ABCC6: variants seen among roughly 807,000 people sequenced by gnomAD.
The protein encoded by ABCC6 is ATP binding cassette subfamily C member 6.
A neutral mutation model predicts 169.5 loss-of-function variants in ABCC6; 126 were observed. The observed-to-expected ratio is 0.74, with a 90% confidence interval of 0.64 to 0.86. ABCC6 has a LOEUF of 0.86. ABCC6 is among the 40% of genes least tolerant of loss of function. The probability of loss-of-function intolerance (pLI) is 0.00; values close to 1 mark genes in which losing one functional copy is unlikely to be tolerated. For synonymous variants in ABCC6, 752 were observed against 814.7 expected, an observed-to-expected ratio of 0.92 and a Z score of 1.31; for missense variants, 1,733 against 1,927.2, an observed-to-expected ratio of 0.90 and a Z score of 1.89.
intron 15 of ABCC6, among the ~76,000 whole-genome samples, chr16:16,184,557 A>G (rs1382514821): frequency 6.6e-6 from 1 of 152,150 alleles, no homozygotes; most frequent in Non-Finnish European, 1.5e-5. Context: ...AGACCAAGCG[A>G]TAGAGTTGGA....
At chr16:16,213,765 TGGC>T (rs1767922073) in intron 5 of ABCC6, among the ~76,000 whole-genome samples, 1 of 146,636 alleles carries the variant, frequency 6.8e-6, no homozygotes, top group Non-Finnish European at 1.5e-5. Flanking sequence ...TTTACCATGT[TGGC>T]CAGGCTGGCT....
chr16:16,222,876 C>T (rs1481179127), intron 1 of ABCC6, among the ~76,000 whole-genome samples: 3 of 152,200 alleles, frequency 2.0e-5, no homozygotes, highest in Non-Finnish European at 4.4e-5. Flanking sequence ...AAACGAGACT[C>T]TACCTCTATG....
rs63750446 is a variant in ABCC6, at chr16:16,155,019, C to T, written c.3895G>A (p.Gly1299Ser). Residue 1299 changes from glycine (G) to serine (S), a missense_variant, in exon 28 of 31, where the codon GGC becomes AGC. By Grantham distance (56) the Gly-to-Ser change is moderately conservative (BLOSUM62 0). Around this residue, in one of 5 missense-constraint regions of ABCC6, gnomAD observed 1,601 missense variants for 1,635.5 expected, o/e 0.98. Coordinates refer to ENST00000205557, the MANE Select transcript of ABCC6 (RefSeq NM_001171.6). Reference sequence around the variant, plus strand: ...GAGGACTTCCCTGCCCCGGTCCTGCCAACGATGCCCACCTGCCCGGGGTTG... The same window carrying T: ...GAGGACTTCCCTGCCCCGGTCCTGCTAACGATGCCCACCTGCCCGGGGTTG... ...IHAGEKVGIV[G>S]RTGAGKSSLA... is the part of the protein sequence containing the mutation. 9.6e-6 allele frequency: 15 copies of T among 1,557,294 alleles called. No homozygotes were observed. Among genetic ancestry groups the T allele is most frequent in the Non-Finnish European group, 1.3e-5 (15 of 1,151,246 alleles).
chr16:16,189,457 G>A (rs558019899), intron 12 of ABCC6, among the ~76,000 whole-genome samples: 17 of 148,530 alleles, frequency 1.1e-4, no homozygotes, highest in East Asian at 3.9e-4. Flanking sequence ...TTGCTCTGTC[G>A]CCCAGGCTGG....
At chr16:16,196,546 C>A (rs1045757835) in intron 10 of ABCC6, among the ~76,000 whole-genome samples, 2 of 152,188 alleles carry the variant, frequency 1.3e-5, no homozygotes, top group African/African-American at 4.8e-5. Flanking sequence ...CCCTCTGGGG[C>A]AGGAGTGCTA....
rs564130818 is a variant in ABCC6, at chr16:16,194,566, G to A, written c.1339-1644C>T. Among the ~76,000 whole-genome samples, 11 of 152,222 alleles carry A rather than the reference G, an allele frequency of 7.2e-5. No individual in the cohort carries two copies. In the South Asian group the frequency reaches 2.3e-3, roughly 32 times the overall value. On this transcript the variant is annotated intron_variant, in intron 10 of 30. Transcript: ENST00000205557. ...GAATAAATGATTTTTAAGTTGCTGT[G>A]ACTTTCTGAGATTTCTGCACAGGTT...
At chr16:16,157,319 C>T (rs1354733429) in intron 27 of ABCC6, among the ~76,000 whole-genome samples, 2 of 152,166 alleles carry the variant, frequency 1.3e-5, no homozygotes, top group Non-Finnish European at 2.9e-5. Context: ...TTCCCAATGT[C>T]TCCCAGCTGA....
intron 9 of ABCC6, among the ~76,000 whole-genome samples, chr16:16,199,994 G>A (rs2048184224): frequency 6.6e-6 from 1 of 151,888 alleles, no homozygotes; most frequent in South Asian, 2.1e-4. Context: ...CTTGAACCCA[G>A]GAGGCAGAGG....
chr16:16,180,561 C>T (rs373073328), intron 17 of ABCC6, among the ~76,000 whole-genome samples: 15 of 152,226 alleles, frequency 9.9e-5, no homozygotes, highest in Non-Finnish European at 1.3e-4. Flanking sequence ...GGCTTGATCT[C>T]GGCTCACTGC....
At position 16,188,872 on chromosome 16, in the gene ABCC6, CCTTG is replaced by C; in HGVS notation, c.1734_1737del (p.Asn578LysfsTer37). 6.2e-7 allele frequency: 1 copy of C among 1,614,178 alleles called. No individual in the cohort carries two copies. Among genetic ancestry groups the C allele is most frequent in the Non-Finnish European group, 8.5e-7 (1 of 1,180,046 alleles). On this transcript the variant is annotated frameshift_variant, in exon 13 of 31. Transcript: ENST00000205557. LOFTEE classifies it high-confidence loss of function. ...ATGGAGAAGGGCAGGAAAGCCTGGG[CCTTG>C]TTGAGGATGTTGAGAACTGTGAGAG...
At chr16:16,172,097 G>GGATAAATGAATGGGTGGGAT (rs2047111275) in intron 21 of ABCC6, among the ~76,000 whole-genome samples, 2 of 145,800 alleles carry the variant, frequency 1.4e-5, no homozygotes, top group Non-Finnish European at 3.0e-5. Context: ...TGGGTGGGAT[G>GGATAAATGAATGGGTGGGAT]GCTAAATGAG....
intron 20 of ABCC6, among the ~76,000 whole-genome samples, chr16:16,175,114 C>T (rs1250328314): frequency 6.6e-6 from 1 of 151,974 alleles, no homozygotes; most frequent in Non-Finnish European, 1.5e-5. Flanking sequence ...AACATGACTA[C>T]CTATCCATCT....
In ABCC6 at chr16:16,221,327, A is replaced by G. The variant is rs148596253; in HGVS notation, c.219+322T>C. The G allele has an allele frequency of 8.9e-4, 1,240 of 1,388,152 alleles. 8 individuals are homozygous for G. The African/African-American group carries it at 0.013, about 15-fold the overall frequency. The allele number at this position is 1,388,152 out of a possible 1,614,324, so 86.0% of individuals were successfully genotyped here. A position where few individuals can be genotyped will look rare whatever the true frequency, so the allele number is the denominator to read the frequency against. On this transcript the variant is annotated intron_variant, in intron 2 of 30. Transcript: ENST00000205557. ...AAAAGGTTCATCCTAATGTGGCTCT[A>G]AAATTACCTTGTGTATCCAAGAGTC... is the stretch of plus-strand genomic sequence containing the variant.
Position 16,219,636 on chromosome 16 carries a change from T to C in ABCC6, c.392A>G (p.Gln131Arg), listed in dbSNP as rs369280729. ...LIHTERKKGV[Q>R]SSGVLFGYWL... Reference sequence around the variant, plus strand: ...GTAACCAAACAGCACTCCAGATGACTGGACTCCCTTTTTCCTCTCGGTGTG... The same window carrying C: ...GTAACCAAACAGCACTCCAGATGACCGGACTCCCTTTTTCCTCTCGGTGTG... The change falls in exon 4 of 31, where the codon CAG (glutamine) becomes CGG (arginine). Residue 131 changes from glutamine (Q) to arginine (R), a missense_variant. Gln to Arg is a conservative substitution (Grantham distance 43). Transcript: ENST00000205557. 131 of 1,480,582 alleles carry C rather than the reference T, an allele frequency of 8.8e-5. 7 individuals are homozygous for C. The highest frequency in any genetic ancestry group is 5.9e-4 in the East Asian group (24 of 41,008). The allele number at this position is 1,480,582 out of a possible 1,614,324, so 91.7% of individuals were successfully genotyped here.
chr16:16,181,898 A>C, intron 17 of ABCC6: 1 of 191,956 alleles, frequency 5.2e-6, no homozygotes, highest in South Asian at 1.0e-4. Context: ...GCATCACTGC[A>C]TGCCAGCCTG....
intron 26 of ABCC6, among the ~76,000 whole-genome samples, chr16:16,158,828 T>A (rs1346819164): frequency 6.6e-6 from 1 of 152,176 alleles, no homozygotes; most frequent in African/African-American, 2.4e-5. Flanking sequence ...ACTGTTACAT[T>A]GTTATGTTGC....
chr16:16,191,460 G>A (rs533209916), intron 11 of ABCC6, among the ~76,000 whole-genome samples: 36 of 152,202 alleles, frequency 2.4e-4, no homozygotes, highest in Admixed American at 1.2e-3. Context: ...ATGTTTTAGA[G>A]GAGTCCACGC....
intron 1 of ABCC6, among the ~76,000 whole-genome samples, chr16:16,222,398 T>C (rs2049104658): frequency 6.6e-6 from 1 of 152,090 alleles, no homozygotes; most frequent in Non-Finnish European, 1.5e-5. Context: ...ATTTATGTTT[T>C]AGAGACAGGG....
At chr16:16,216,069 G>A (rs2048861368) in intron 4 of ABCC6, among the ~76,000 whole-genome samples, 1 of 152,196 alleles carries the variant, frequency 6.6e-6, no homozygotes, top group African/African-American at 2.4e-5. Flanking sequence ...ACAGATGTGT[G>A]CCAGCACGCC....
Sources: allele counts gnomAD v4.1 joint callset (sites outside exome capture counted in the v4.1 genomes callset), GRCh38; gene constraint gnomAD v4.1.1; regional missense constraint gnomAD v4.1.1; transcripts MANE v1.5; gene names NCBI Gene and HGNC (gene_info 2026-07-23, HGNC 2026-07-21).